The following EPB41L4A variants were observed in gnomAD, a reference collection of about 807,000 sequenced individuals.
The protein encoded by EPB41L4A is band 4.1-like protein 4A.
In EPB41L4A, 100 loss-of-function variants were observed where a neutral mutation model predicts 108.6. The ratio of observed to expected loss-of-function variants is 0.92; its 90% CI spans 0.78 to 1.09. The LOEUF (loss-of-function observed/expected upper bound fraction) is 1.09. Among genes scored for constraint, EPB41L4A ranks in the 50% least tolerant of loss-of-function variants. The pLI, the probability that EPB41L4A is intolerant of heterozygous loss-of-function variation, is 0.00. For missense variants in EPB41L4A, 1,030 were observed against 842.7 expected, an observed-to-expected ratio of 1.22 and a Z score of -2.75; for synonymous variants, 319 against 289.0, an observed-to-expected ratio of 1.10 and a Z score of -1.05.
At chr5:112,209,201 G>T (rs75203262) in intron 13 of EPB41L4A, among the ~76,000 whole-genome samples, 1 of 152,172 alleles carries the variant, frequency 6.6e-6, no homozygotes, top group East Asian at 1.9e-4. Flanking sequence ...TGATGTATGG[G>T]GGGCAACCCC....
At chr5:112,167,841 TAAAAAC>T (rs1302808071) in intron 22 of EPB41L4A, among the ~76,000 whole-genome samples, 1 of 152,154 alleles carries the variant, frequency 6.6e-6, no homozygotes, top group East Asian at 1.9e-4. Context: ...CAGTCATTGA[TAAAAAC>T]AAAAAGGGCC....
At chr5:112,379,781 C>A (rs1447239753) in intron 1 of EPB41L4A, among the ~76,000 whole-genome samples, 4 of 152,206 alleles carry the variant, frequency 2.6e-5, no homozygotes, top group African/African-American at 9.6e-5. Flanking sequence ...CTAGCAGTAA[C>A]AGAGAGTTGT....
chr5:112,328,185 T>C (rs1350416897), intron 1 of EPB41L4A, among the ~76,000 whole-genome samples: 1 of 152,092 alleles, frequency 6.6e-6, no homozygotes, highest in Admixed American at 6.5e-5. Context: ...GGCACACACC[T>C]GTAGTCCCAG....
intron 12 of EPB41L4A, among the ~76,000 whole-genome samples, chr5:112,156,831 C>T (rs1759664485): frequency 6.6e-6 from 1 of 152,040 alleles, no homozygotes; most frequent in Admixed American, 6.6e-5. Context: ...GCAGTACAAT[C>T]CTGAAGACAA....
chr5:112,378,900 T>A (rs895320264), intron 1 of EPB41L4A, among the ~76,000 whole-genome samples: 1 of 152,190 alleles, frequency 6.6e-6, no homozygotes, highest in Non-Finnish European at 1.5e-5. Flanking sequence ...TAACCCACAC[T>A]ATTTTTGTAT....
intron 22 of EPB41L4A, among the ~76,000 whole-genome samples, chr5:112,167,634 T>C (rs1760329807): frequency 6.6e-6 from 1 of 152,206 alleles, no homozygotes; most frequent in African/African-American, 2.4e-5. Flanking sequence ...TGTCCCAAAG[T>C]AGAATGAATT....
intron 9 of EPB41L4A, among the ~76,000 whole-genome samples, chr5:112,258,014 C>T (rs1226224125): frequency 6.6e-6 from 1 of 152,152 alleles, no homozygotes; most frequent in Non-Finnish European, 1.5e-5. Context: ...CAAACTAAAC[C>T]ATAAGAACAA....
At chr5:112,156,873 A>C (rs1400810893) in intron 12 of EPB41L4A, among the ~76,000 whole-genome samples, 1 of 152,072 alleles carries the variant, frequency 6.6e-6, no homozygotes, top group Non-Finnish European at 1.5e-5. Context: ...CAAAAAGGAG[A>C]AGGAGTCCAA....
intron 18 of EPB41L4A, among the ~76,000 whole-genome samples, chr5:112,177,586 T>C (rs1280618961): frequency 6.6e-6 from 1 of 152,216 alleles, no homozygotes; most frequent in African/African-American, 2.4e-5. Context: ...CTCCTCTTAA[T>C]TTCTTTATAT....
chr5:112,205,379 C>T lies in EPB41L4A; in HGVS notation c.1262+42G>A, dbSNP rs779322264. On this transcript the variant is annotated intron_variant, in intron 14 of 22. Coordinates refer to ENST00000261486, the MANE Select transcript of EPB41L4A (RefSeq NM_022140.5). The stretch of plus-strand genomic sequence containing the variant: ...TTCAATGAGCTGCATGTACTAACCC[C>T]TTTTCTACTGTCTCCTTTATAAAAA... 9 of 1,533,158 alleles carry T rather than the reference C, an allele frequency of 5.9e-6. No individual in the cohort carries two copies. The East Asian group carries it at 9.0e-5, about 15-fold the overall frequency. The allele number at this position is 1,533,158 out of a possible 1,614,324, so 95.0% of individuals were successfully genotyped here.
At chr5:112,375,570 G>A (rs1391311501) in intron 1 of EPB41L4A, among the ~76,000 whole-genome samples, 1 of 152,130 alleles carries the variant, frequency 6.6e-6, no homozygotes, top group African/African-American at 2.4e-5. Context: ...ATGCAGCCAT[G>A]ATAAAAAATT....
chr5:112,275,564 C>A (rs1414159820), intron 3 of EPB41L4A, among the ~76,000 whole-genome samples, 160 bp from the exon 4 acceptor site: 1 of 152,062 alleles, frequency 6.6e-6, no homozygotes, highest in East Asian at 1.9e-4. Context: ...GACGATAGGA[C>A]CTCGACACAT....
At chr5:112,380,790 CAT>C (rs146218437) in intron 1 of EPB41L4A, among the ~76,000 whole-genome samples, 1,606 of 98,514 alleles carry the variant, frequency 0.016, 25 homozygotes, top group African/African-American at 0.056. Flanking sequence ...ACATCACACA[CAT>C]ACACACACAC....
At chr5:112,292,526 A>T (rs1753715418) in intron 2 of EPB41L4A, among the ~76,000 whole-genome samples, 1 of 152,210 alleles carries the variant, frequency 6.6e-6, no homozygotes, top group Non-Finnish European at 1.5e-5. Flanking sequence ...GCACCTGCAC[A>T]GCTTTTTAAC....
At position 112,304,304 on chromosome 5, in the gene EPB41L4A, T is replaced by G. The variant is rs76566761; in HGVS notation, c.204+3082A>C. Among the ~76,000 whole-genome samples the G allele has an allele frequency of 8.8e-4, 134 of 152,222 alleles. No homozygotes were observed. In the East Asian group the frequency reaches 0.024, roughly 27 times the overall value. On this transcript the variant is annotated intron_variant, in intron 2 of 22. Transcript: ENST00000261486. ...ACAACTTCTGCCTTTCAAGGAGTAATCTGTAAAGGAGCCTCAGGTGCTAAC... is the reference window on the plus strand; with the variant it reads ...ACAACTTCTGCCTTTCAAGGAGTAAGCTGTAAAGGAGCCTCAGGTGCTAAC...
chr5:112,402,045 G>A (rs1055387907), intron 1 of EPB41L4A, among the ~76,000 whole-genome samples: 1 of 152,196 alleles, frequency 6.6e-6, no homozygotes, highest in Non-Finnish European at 1.5e-5. Context: ...GATGTGGTTT[G>A]GATTTGCGTC....
intron 11 of EPB41L4A, 38 bp from the exon 12 acceptor site, chr5:112,234,793 C>G: frequency 1.3e-6 from 2 of 1,584,364 alleles, no homozygotes; most frequent in South Asian, 2.3e-5. Flanking sequence ...AAGGTAAAAC[C>G]ACACAGCCAC....
intron 12 of EPB41L4A, among the ~76,000 whole-genome samples, chr5:112,156,305 C>G (rs960627277): frequency 1.3e-5 from 2 of 152,098 alleles, no homozygotes; most frequent in Non-Finnish European, 2.9e-5. Flanking sequence ...GGAGTATTGG[C>G]TCATGCAATT....
chr5:112,307,836 CTT>C (rs897247398), intron 1 of EPB41L4A, among the ~76,000 whole-genome samples: 9 of 152,014 alleles, frequency 5.9e-5, no homozygotes, highest in African/African-American at 2.2e-4. Context: ...CAAAAAAACA[CTT>C]TGTTTAAAAA....
Sources: allele counts gnomAD v4.1 joint callset (sites outside exome capture counted in the v4.1 genomes callset), GRCh38; gene constraint gnomAD v4.1.1; transcripts MANE v1.5; gene names NCBI Gene and HGNC (gene_info 2026-07-23, HGNC 2026-07-21).